DSC3: variants seen among roughly 807,000 people sequenced by gnomAD.
The protein encoded by DSC3 is desmocollin 3, also known as desmocollin-3.
DSC3 carries 97 observed loss-of-function variants against 89.5 expected under a neutral mutation model. The observed-to-expected ratio is 1.08, with a 90% CI of 0.92 to 1.28. DSC3 has a LOEUF of 1.28. Ranked by LOEUF, DSC3 falls within the 50% of genes most tolerant of loss-of-function variation. The pLI is 0.00. For synonymous variants in DSC3, 436 were observed against 384.1 expected (o/e 1.14, Z -1.58); for missense variants, 1,199 against 1,085.3 (o/e 1.10, Z -1.47).
intron 9 of DSC3, among the ~76,000 whole-genome samples, chr18:31,015,879 A>G (rs1367084466): frequency 6.6e-6 from 1 of 152,218 alleles, no homozygotes; most frequent in Non-Finnish European, 1.5e-5. Context: ...AGCATCAGTC[A>G]TGACCCTGCT....
intron 11 of DSC3, among the ~76,000 whole-genome samples, 193 bp from the exon 12 acceptor site, chr18:31,007,324 TAATATC>T (rs1182292360): frequency 1.3e-5 from 2 of 152,188 alleles, no homozygotes; most frequent in Admixed American, 1.3e-4. Context: ...TTGCTACTGA[TAATATC>T]AGATACAACT....
At chr18:31,019,891 G>C (rs1985362034) in intron 7 of DSC3, among the ~76,000 whole-genome samples, 1 of 152,196 alleles carries the variant, frequency 6.6e-6, no homozygotes, top group Non-Finnish European at 1.5e-5. Flanking sequence ...TTGGGAGTTA[G>C]AATGGAGTAG....
chr18:31,014,600 A>T (rs1343553461), intron 9 of DSC3, among the ~76,000 whole-genome samples: 1 of 152,170 alleles, frequency 6.6e-6, no homozygotes, highest in Admixed American at 6.6e-5. Flanking sequence ...ATTAAATGAG[A>T]TACTATAGGT....
chr18:31,007,079 A>G lies in DSC3; in HGVS notation c.1716T>C (p.Asp572=). Residue 572 remains aspartate (D), a synonymous_variant, in exon 12 of 16, where the codon GAT becomes GAC. Transcript: ENST00000360428. The part of the protein sequence containing the change: ...TLAVNIEDVN[D]NPPEILQEYV... ...ATTCTTGAAGTATTTCTGGTGGATT[A>G]TCATTTACATCTTCAATGTTCACAG... The G allele has an allele frequency of 1.9e-6, 3 of 1,613,968 alleles. No homozygotes were observed. The highest frequency in any genetic ancestry group is 2.5e-6 in the Non-Finnish European group (3 of 1,179,918).
intron 1 of DSC3, among the ~76,000 whole-genome samples, chr18:31,038,462 G>A (rs925327044): frequency 6.6e-6 from 1 of 152,040 alleles, no homozygotes; most frequent in Non-Finnish European, 1.5e-5. Flanking sequence ...TGTTTTGTCT[G>A]TATTTTCAAG....
intron 9 of DSC3, among the ~76,000 whole-genome samples, chr18:31,013,446 T>G (rs1985136167): frequency 6.6e-6 from 1 of 152,090 alleles, no homozygotes; most frequent in Non-Finnish European, 1.5e-5. Flanking sequence ...TCTGATAAAT[T>G]GTGACCAAGC....
At chr18:30,997,122 G>T in intron 14 of DSC3, 74 bp from the exon 15 acceptor site, 2 of 1,547,616 alleles carry the variant, frequency 1.3e-6, no homozygotes, top group African/African-American at 1.4e-5. Flanking sequence ...GCAAAGGAGA[G>T]AGAATATTTG....
rs114807304 is a variant in DSC3, at chr18:31,001,386, G to A, written c.2235+232C>T. On this transcript the variant is annotated intron_variant, in intron 14 of 15. Coordinates refer to ENST00000360428, the MANE Select transcript of DSC3 (RefSeq NM_001941.5). The stretch of plus-strand genomic sequence containing the variant: ...ATAAATACTCAACATCAAAGAACAA[G>A]TTTAAACTATGACACTAGAGTGGAA... Among the ~76,000 whole-genome samples, 1,295 of 151,864 alleles carry A rather than the reference G, an allele frequency of 8.5e-3. 25 individuals are homozygous for A. The highest frequency in any genetic ancestry group is 0.03 in the African/African-American group (1,225 of 41,474).
At chr18:31,002,063 T>C (rs1463985340) in intron 13 of DSC3, among the ~76,000 whole-genome samples, 3 of 152,170 alleles carry the variant, frequency 2.0e-5, no homozygotes, top group Non-Finnish European at 4.4e-5. Flanking sequence ...AAAAATTTAC[T>C]GATTCCCCTA....
At chr18:31,022,802 C>T (rs1313595) in intron 6 of DSC3, among the ~76,000 whole-genome samples, 2 of 151,948 alleles carry the variant, frequency 1.3e-5, no homozygotes, top group Non-Finnish European at 2.9e-5. Flanking sequence ...TACATATGTG[C>T]ACATATTTCA....
rs1327895423 is a variant in DSC3 at position 31,006,989 on chromosome 18, A to G, written c.1806T>C (p.Pro602=). The G allele has an allele frequency of 6.2e-7, 1 of 1,613,966 alleles. No individual in the cohort carries two copies. The highest frequency in any genetic ancestry group is 8.5e-7 in the Non-Finnish European group (1 of 1,179,946). Residue 602 remains proline, a synonymous_variant, in exon 12 of 16, where the codon CCT becomes CCC. Transcript: ENST00000360428. ...TDILAVDPDE[P]VHGAPFYFSL... ...TGAAATAAAATGGAGCTCCATGGAC[A>G]GGTTCATCAGGATCAACAGCTAAAA...
rs141615987 is a variant in DSC3, at chr18:31,001,089, G to GTGTGTATATATATATATATATATA, written c.2235+528_2235+529insTATATATATATATATATATACACA. Among the ~76,000 whole-genome samples, 778 of 125,614 alleles carry GTGTGTATATATATATATATATATA rather than the reference G, an allele frequency of 6.2e-3. 7 individuals carry two copies. The highest frequency in any genetic ancestry group is 0.01 in the Non-Finnish European group (607 of 59,530). 82.4% of individuals were successfully genotyped at this position (125,614 alleles called of 152,430 possible). On this transcript the variant is annotated intron_variant, in intron 14 of 15. Transcript: ENST00000360428. ...GTGTTTATATATACTTTGTGTGTGTGTATATATATATATATATATATATAC... is the reference window on the plus strand; with the variant it reads ...GTGTTTATATATACTTTGTGTGTGTGTGTGTATATATATATATATATATATATATATATATATATATATATATAC...
chr18:31,008,585 G>A, intron 9 of DSC3, 60 bp from the exon 10 acceptor site: 2 of 1,596,520 alleles, frequency 1.3e-6, no homozygotes, highest in South Asian at 2.2e-5. Context: ...CATTTCAAAT[G>A]GCAAGTGAAC....
intron 3 of DSC3, among the ~76,000 whole-genome samples, chr18:31,030,498 T>C (rs1985747257): frequency 6.6e-6 from 1 of 152,202 alleles, no homozygotes; most frequent in African/African-American, 2.4e-5. Flanking sequence ...AAAAAAATTC[T>C]GAGTTCTATA....
intron 13 of DSC3, among the ~76,000 whole-genome samples, 198 bp from the exon 14 acceptor site, chr18:31,001,937 T>G: frequency 6.6e-6 from 1 of 152,152 alleles, no homozygotes; most frequent in East Asian, 1.9e-4. Context: ...ATCATCTGTA[T>G]TTTTTCATTA....
intron 1 of DSC3, among the ~76,000 whole-genome samples, chr18:31,036,307 TTGAC>T (rs1985967051): frequency 6.6e-6 from 1 of 152,182 alleles, no homozygotes; most frequent in African/African-American, 2.4e-5. Flanking sequence ...TGTTGTGAGA[TTGAC>T]TGTATTTTCT....
intron 9 of DSC3, among the ~76,000 whole-genome samples, chr18:31,008,878 C>A (rs560002786): frequency 1.3e-5 from 2 of 152,116 alleles, no homozygotes; most frequent in Non-Finnish European, 2.9e-5. Flanking sequence ...GCTGGGCTAA[C>A]GGTCATCTGA....
chr18:31,003,903 T>A (rs1984746728), intron 13 of DSC3, among the ~76,000 whole-genome samples: 1 of 152,200 alleles, frequency 6.6e-6, no homozygotes, highest in Non-Finnish European at 1.5e-5. Flanking sequence ...GTTTGTCAGA[T>A]TCTGTGAAAT....
chr18:31,007,242 T>C lies in DSC3; in HGVS notation c.1664-111A>G, dbSNP rs919350899. 5 of 724,016 alleles carry C rather than the reference T, an allele frequency of 6.9e-6. No homozygotes were observed. The African/African-American group carries it at 9.0e-5, about 13-fold the overall frequency. The allele number at this position is 724,016 out of a possible 1,614,324, so 44.8% of individuals were successfully genotyped here. A position where few individuals can be genotyped will look rare whatever the true frequency, so the allele number is the denominator to read the frequency against. ...ATGATCTGTTTTTAAATAAACTGAT[T>C]ATTAAAGGAAATGATAAATAAATAA... On this transcript the variant is annotated intron_variant, in intron 11 of 15. Transcript: ENST00000360428.
Sources: gnomAD v4.1 joint callset for allele counts (sites outside exome capture counted in the v4.1 genomes callset) on GRCh38, gnomAD v4.1.1 for gene constraint, MANE v1.5 for transcripts, NCBI Gene and HGNC (gene_info 2026-07-23, HGNC 2026-07-21) for gene names.